Variants in ZBTB20 observed in about 807,000 individuals in gnomAD.
ZBTB20 encodes the protein zinc finger and BTB domain-containing protein 20.
In ZBTB20, 9 loss-of-function variants were observed where a neutral mutation model predicts 56.9. The observed-to-expected ratio is 0.16, with a 90% CI of 0.10 to 0.28. The LOEUF is 0.28. Ranked by LOEUF, ZBTB20 falls within the 10% of genes least tolerant of loss-of-function variation. The probability of loss-of-function intolerance (pLI) is 1.00; values close to 1 mark genes in which losing one functional copy is unlikely to be tolerated. For missense variants in ZBTB20, 655 were observed against 1,003.0 expected (o/e 0.65, Z 4.69); for synonymous variants, 417 against 420.7 (o/e 0.99, Z 0.11).
chr3:114,820,459 A>T (rs1295972674), intron 4 of ZBTB20, among the ~76,000 whole-genome samples: 2 of 152,090 alleles, frequency 1.3e-5, no homozygotes, highest in African/African-American at 4.8e-5. Flanking sequence ...GCAAATACTT[A>T]GAATTGTTTA....
At chr3:114,643,005 C>T (rs545339788) in intron 6 of ZBTB20, among the ~76,000 whole-genome samples, 2 of 152,142 alleles carry the variant, frequency 1.3e-5, no homozygotes, top group South Asian at 2.1e-4. Flanking sequence ...CTTTAGTTGA[C>T]TTAAGCTACA....
chr3:114,509,856 T>C (rs2045128212), intron 6 of ZBTB20, among the ~76,000 whole-genome samples: 1 of 152,106 alleles, frequency 6.6e-6, no homozygotes, highest in Non-Finnish European at 1.5e-5. Flanking sequence ...GCCTGTGAGA[T>C]TTCCTTGTAA....
chr3:114,539,068 A>C (rs1034799224), intron 6 of ZBTB20, among the ~76,000 whole-genome samples: 2 of 152,122 alleles, frequency 1.3e-5, no homozygotes, highest in Non-Finnish European at 2.9e-5. Context: ...AAATTTTGAC[A>C]TTTGGAAAAG....
chr3:115,037,675 A>T (rs2080983060), intron 2 of ZBTB20, among the ~76,000 whole-genome samples: 1 of 152,210 alleles, frequency 6.6e-6, no homozygotes, highest in African/African-American at 2.4e-5. Flanking sequence ...CAAGAATCTG[A>T]AGCTAAAATG....
rs113148212 is a variant in ZBTB20 at position 114,941,027 on chromosome 3, T to G, written c.-456+33339A>C. ...ATTTGGTGTCATTTTTAAAAAGAAATAAAATAACAAAAATAAAAATACAAA... is the reference window on the plus strand; with the variant it reads ...ATTTGGTGTCATTTTTAAAAAGAAAGAAAATAACAAAAATAAAAATACAAA... On this transcript the variant is annotated intron_variant, in intron 3 of 11. Coordinates refer to ENST00000675478, the MANE Select transcript of ZBTB20 (RefSeq NM_001348800.3). Among the ~76,000 whole-genome samples, 4 of 146,004 alleles carry G rather than the reference T, an allele frequency of 2.7e-5. 1 individual carries two copies. Among genetic ancestry groups the G allele is most frequent in the African/African-American group, 1.1e-4 (4 of 35,936 alleles).
intron 2 of ZBTB20, among the ~76,000 whole-genome samples, chr3:115,007,345 TA>T (rs769172291): frequency 1.5e-4 from 22 of 151,316 alleles, no homozygotes; most frequent in East Asian, 3.9e-4. Flanking sequence ...TTTTCTGAAA[TA>T]AAAAAAAGAG....
intron 7 of ZBTB20, among the ~76,000 whole-genome samples, chr3:114,447,809 A>G (rs1242776314): frequency 6.6e-6 from 1 of 152,182 alleles, no homozygotes; most frequent in Non-Finnish European, 1.5e-5. Context: ...CTCTGGAGGG[A>G]ACAGGAAAGT....
intron 5 of ZBTB20, among the ~76,000 whole-genome samples, chr3:114,783,585 C>T (rs1027678711): frequency 6.6e-5 from 10 of 151,738 alleles, no homozygotes; most frequent in African/African-American, 1.2e-4. Context: ...CACGAGGTCA[C>T]GAGATCGAGA....
intron 6 of ZBTB20, among the ~76,000 whole-genome samples, chr3:114,635,948 C>T (rs2059243146): frequency 9.1e-6 from 1 of 110,268 alleles, no homozygotes; most frequent in Non-Finnish European, 2.0e-5. Flanking sequence ...TTCATGAAGT[C>T]CAAAGAGCTC....
In ZBTB20 at chr3:114,329,570, C is replaced by T. The variant is rs1303413004; in HGVS notation, c.*9435G>A. 2 of 151,860 alleles carry T rather than the reference C, an allele frequency of 1.3e-5. No homozygotes were observed. Among genetic ancestry groups the T allele is most frequent in the African/African-American group, 4.8e-5 (2 of 41,342 alleles). 9.4% of individuals were successfully genotyped at this position (151,860 alleles called of 1,614,324 possible). A position where few individuals can be genotyped will look rare whatever the true frequency, so the allele number is the denominator to read the frequency against. On this transcript the variant is annotated 3_prime_UTR_variant, in exon 12 of 12. Transcript: ENST00000675478. ...CTCACTTTAACAGGTAAATGGAGAT[C>T]CTGAGGGCTGGATACCCAAGAGCCA...
intron 1 of ZBTB20, among the ~76,000 whole-genome samples, chr3:115,143,051 T>C (rs746319305): frequency 6.6e-6 from 1 of 152,220 alleles, no homozygotes; most frequent in African/African-American, 2.4e-5. Context: ...TTGAGAACTA[T>C]GAACTAGGTT....
chr3:114,727,962 C>A (rs1197377834), intron 5 of ZBTB20, among the ~76,000 whole-genome samples: 1 of 152,030 alleles, frequency 6.6e-6, no homozygotes. Context: ...GAACAGACAG[C>A]AGCCCAATAA....
intron 6 of ZBTB20, among the ~76,000 whole-genome samples, chr3:114,664,051 T>C (rs1254512413): frequency 6.6e-6 from 1 of 152,064 alleles, no homozygotes; most frequent in Admixed American, 6.6e-5. Flanking sequence ...CCCTGACATT[T>C]AGTAGTAATT....
intron 3 of ZBTB20, among the ~76,000 whole-genome samples, chr3:114,947,097 T>A (rs2076912079): frequency 6.9e-6 from 1 of 144,198 alleles, no homozygotes. Flanking sequence ...TAAATTAAAA[T>A]CACGATGAGA....
chr3:114,822,810 G>A (rs1271731979), intron 4 of ZBTB20, among the ~76,000 whole-genome samples: 3 of 152,038 alleles, frequency 2.0e-5, no homozygotes, highest in Non-Finnish European at 2.9e-5. Context: ...GAAAAGAGAA[G>A]TATAATGAGA....
intron 5 of ZBTB20, among the ~76,000 whole-genome samples, chr3:114,800,329 T>C (rs1220455168): frequency 6.6e-6 from 1 of 151,938 alleles, no homozygotes; most frequent in East Asian, 1.9e-4. Flanking sequence ...ATCTTTTATA[T>C]GCTTGGGTTC....
At chr3:114,665,779 C>T (rs1221356399) in intron 6 of ZBTB20, among the ~76,000 whole-genome samples, 4 of 151,956 alleles carry the variant, frequency 2.6e-5, no homozygotes, top group Non-Finnish European at 5.9e-5. Context: ...TGAGAAAAAG[C>T]AAACAAACAC....
chr3:114,634,278 T>C (rs906573367), intron 6 of ZBTB20, among the ~76,000 whole-genome samples: 1 of 152,140 alleles, frequency 6.6e-6, no homozygotes, highest in Non-Finnish European at 1.5e-5. Flanking sequence ...AAAATAGACA[T>C]TCTTCTGTCA....
intron 3 of ZBTB20, among the ~76,000 whole-genome samples, chr3:114,919,288 T>C (rs1051260006): frequency 1.3e-5 from 2 of 152,148 alleles, no homozygotes; most frequent in African/African-American, 4.8e-5. Context: ...CAAGGTGTGT[T>C]ATATATGCCT....
Sources: allele counts gnomAD v4.1 joint callset (sites outside exome capture counted in the v4.1 genomes callset), GRCh38; gene constraint gnomAD v4.1.1; transcripts MANE v1.5; gene names NCBI Gene and HGNC (gene_info 2026-07-23, HGNC 2026-07-21).